The following EPHA6 variants were observed in gnomAD, a reference collection of about 807,000 sequenced individuals.
EPHA6 encodes the protein EPH receptor A6.
Under a neutral mutation model 112.0 loss-of-function variants are expected in EPHA6, and 50 were observed. The ratio of observed to expected loss-of-function variants is 0.45; its 90% confidence interval spans 0.36 to 0.56. The LOEUF (loss-of-function observed/expected upper bound fraction) is 0.56, where lower values mean the gene tolerates loss of function less well. EPHA6 is among the 20% of genes least tolerant of loss of function. The pLI, the probability that EPHA6 is intolerant of heterozygous loss-of-function variation, is 0.00. For synonymous variants in EPHA6, 529 were observed against 490.7 expected (o/e 1.08, Z -1.03); for missense variants, 1,280 against 1,417.4 (o/e 0.90, Z 1.56).
chr3:97,175,633 A>T (rs2076815606), intron 3 of EPHA6, among the ~76,000 whole-genome samples: 1 of 151,660 alleles, frequency 6.6e-6, no homozygotes, highest in Non-Finnish European at 1.5e-5. Context: ...CTATGTATTT[A>T]ATTTTTTGTG....
intron 11 of EPHA6, among the ~76,000 whole-genome samples, chr3:97,559,029 T>C (rs2093152734): frequency 1.3e-5 from 2 of 151,978 alleles, no homozygotes; most frequent in African/African-American, 4.8e-5. Context: ...ATTTAAAAAG[T>C]ATTGGAAATA....
chr3:97,390,626 T>A (rs1369602190), intron 5 of EPHA6, among the ~76,000 whole-genome samples: 3 of 151,978 alleles, frequency 2.0e-5, no homozygotes, highest in African/African-American at 7.2e-5. Flanking sequence ...ATGCACATTT[T>A]AAAAATATTT....
chr3:97,215,844 A>G (rs2078020342), intron 3 of EPHA6, among the ~76,000 whole-genome samples: 1 of 152,226 alleles, frequency 6.6e-6, no homozygotes, highest in Non-Finnish European at 1.5e-5. Flanking sequence ...TCTTAACTGA[A>G]TATACTTCCT....
Position 97,704,815 on chromosome 3 carries a change from G to A in EPHA6, c.2785-15446G>A, listed in dbSNP as rs180896244. Reference sequence around the variant, plus strand: ...GCATCCCGTTTTTATCTGTAATATGGGAAATATTAAATCATGACTGAAATA... The same window carrying A: ...GCATCCCGTTTTTATCTGTAATATGAGAAATATTAAATCATGACTGAAATA... On this transcript the variant is annotated intron_variant, in intron 14 of 17. Transcript: ENST00000389672. 6.3e-3 allele frequency among the ~76,000 whole-genome samples: 962 copies of A among 151,824 alleles called. 15 individuals carry two copies. The highest frequency in any genetic ancestry group is 0.021 in the African/African-American group (889 of 41,354).
intron 3 of EPHA6, among the ~76,000 whole-genome samples, chr3:97,025,467 G>C (rs966988012): frequency 6.6e-6 from 1 of 152,110 alleles, no homozygotes; most frequent in African/African-American, 2.4e-5. Context: ...AGTTTCTTTT[G>C]TTATGCAGAA....
intron 2 of EPHA6, among the ~76,000 whole-genome samples, chr3:96,964,931 A>G (rs751831334): frequency 9.9e-5 from 15 of 152,212 alleles, no homozygotes; most frequent in East Asian, 1.9e-4. Flanking sequence ...GCAATGAACA[A>G]TTCACGAATC....
intron 10 of EPHA6, among the ~76,000 whole-genome samples, chr3:97,506,364 G>A (rs1287127729): frequency 2.6e-5 from 4 of 152,160 alleles, no homozygotes; most frequent in Non-Finnish European, 5.9e-5. Context: ...TTTGTATAAA[G>A]TGTAAGGAAG....
Position 97,685,923 on chromosome 3 carries a change from C to G in EPHA6, c.2785-34338C>G, listed in dbSNP as rs1384512207. Among the ~76,000 whole-genome samples, 4 of 152,056 alleles carry G rather than the reference C, an allele frequency of 2.6e-5. No individual in the cohort carries two copies. In the South Asian group the frequency reaches 8.3e-4, roughly 32 times the overall value. Reference sequence around the variant, plus strand: ...ATCAAGTCCACATCTTACTATTATTCTACCTCCTTTGATGTAAATTTTTTG... The same window carrying G: ...ATCAAGTCCACATCTTACTATTATTGTACCTCCTTTGATGTAAATTTTTTG... On this transcript the variant is annotated intron_variant, in intron 14 of 17. Coordinates refer to ENST00000389672, the MANE Select transcript of EPHA6 (RefSeq NM_001080448.3).
chr3:97,656,125 T>G lies in EPHA6; in HGVS notation c.2784+18043T>G, dbSNP rs370426968. Among the ~76,000 whole-genome samples, 14 of 151,992 alleles carry G rather than the reference T, an allele frequency of 9.2e-5. No individual in the cohort carries two copies. The South Asian group carries it at 2.7e-3, about 29-fold the overall frequency. On this transcript the variant is annotated intron_variant, in intron 14 of 17. Transcript: ENST00000389672. ...TATGTTATAAAACTATAGAAAGAAA[T>G]AGCTCCTGGCAGAGTTCCAAGGTAG...
At chr3:96,963,859 C>G (rs1330930828) in intron 2 of EPHA6, among the ~76,000 whole-genome samples, 1 of 152,054 alleles carries the variant, frequency 6.6e-6, no homozygotes, top group Non-Finnish European at 1.5e-5. Context: ...TGCTATAAAC[C>G]TATTCTTCAA....
intron 14 of EPHA6, among the ~76,000 whole-genome samples, chr3:97,640,283 G>A (rs1473033404): frequency 6.6e-6 from 1 of 152,132 alleles, no homozygotes; most frequent in Non-Finnish European, 1.5e-5. Context: ...ACATGGAAAT[G>A]CAAAAAAGTG....
chr3:97,458,799 A>G (rs531495336), intron 7 of EPHA6, among the ~76,000 whole-genome samples: 2 of 152,284 alleles, frequency 1.3e-5, no homozygotes, highest in African/African-American at 4.8e-5. Flanking sequence ...AAGAATGTTT[A>G]ATTGTTCAAC....
chr3:97,644,486 T>C (rs1181877351), intron 14 of EPHA6, among the ~76,000 whole-genome samples: 37 of 151,492 alleles, frequency 2.4e-4, no homozygotes, highest in Admixed American at 5.9e-4. Flanking sequence ...TTCAAAAAAT[T>C]AATGAATCCA....
At chr3:97,579,567 C>T (rs1315666213) in intron 11 of EPHA6, among the ~76,000 whole-genome samples, 5 of 152,146 alleles carry the variant, frequency 3.3e-5, no homozygotes, top group African/African-American at 4.8e-5. Flanking sequence ...TCTCCATTGA[C>T]CCTACCTTAT....
intron 3 of EPHA6, among the ~76,000 whole-genome samples, chr3:97,123,208 A>C (rs1393506007): frequency 6.6e-6 from 1 of 152,112 alleles, no homozygotes; most frequent in African/African-American, 2.4e-5. Context: ...TATTCGTGTT[A>C]AACTTGAGTT....
At chr3:97,600,492 G>A (rs1233696379) in intron 12 of EPHA6, among the ~76,000 whole-genome samples, 2 of 151,848 alleles carry the variant, frequency 1.3e-5, no homozygotes, top group East Asian at 3.9e-4. Context: ...GTTGAATTTT[G>A]TCAAAGGCTT....
chr3:97,373,780 A>C (rs946384193), intron 5 of EPHA6, among the ~76,000 whole-genome samples: 17 of 152,234 alleles, frequency 1.1e-4, no homozygotes, highest in Admixed American at 8.5e-4. Context: ...ATTGTAGTAA[A>C]ATTTTAAAGT....
Position 97,403,100 on chromosome 3 carries a change from C to T in EPHA6, c.1607-2050C>T, listed in dbSNP as rs116376171. Among the ~76,000 whole-genome samples the T allele has an allele frequency of 8.3e-3, 1,258 of 151,816 alleles. 14 individuals carry two copies. Among genetic ancestry groups the T allele is most frequent in the African/African-American group, 0.027 (1,120 of 41,434 alleles). ...ATATATCTGACACTTTTTATTTTTTCTCCCTCAGGAGGAAAAAATCTAGTT... is the reference window on the plus strand; with the variant it reads ...ATATATCTGACACTTTTTATTTTTTTTCCCTCAGGAGGAAAAAATCTAGTT... On this transcript the variant is annotated intron_variant, in intron 5 of 17. Coordinates refer to ENST00000389672, the MANE Select transcript of EPHA6 (RefSeq NM_001080448.3).
chr3:97,747,251 TAATTTTTTA>T (rs2035757376), intron 16 of EPHA6, among the ~76,000 whole-genome samples, 163 bp from the exon 17 acceptor site: 1 of 151,996 alleles, frequency 6.6e-6, no homozygotes, highest in Admixed American at 6.6e-5. Flanking sequence ...ATTTGATAAA[TAATTTTTTA>T]AAGTGACTGA....
Sources: allele counts gnomAD v4.1 joint callset (sites outside exome capture counted in the v4.1 genomes callset), GRCh38; gene constraint gnomAD v4.1.1; transcripts MANE v1.5; gene names NCBI Gene and HGNC (gene_info 2026-07-23, HGNC 2026-07-21).